The following CWF19L2 variants were observed in gnomAD, a reference collection of about 807,000 sequenced individuals.
CWF19L2 encodes the protein CWF19 like cell cycle control factor 2, also known as CWF19-like protein 2.
CWF19L2 carries 98 observed loss-of-function variants against 111.7 expected under a neutral mutation model. The observed-to-expected ratio is 0.88, with a 90% CI of 0.75 to 1.04. The LOEUF (loss-of-function observed/expected upper bound fraction) is 1.04, where lower values mean the gene tolerates loss of function less well. Ranked by LOEUF, CWF19L2 falls within the 50% of genes least tolerant of loss-of-function variation. CWF19L2 has a pLI of 0.00. For synonymous variants in CWF19L2, 351 were observed against 342.9 expected (o/e 1.02, Z -0.26); for missense variants, 1,101 against 1,051.4 (o/e 1.05, Z -0.65).
At chr11:107,450,593 C>A (rs1318067795) in intron 3 of CWF19L2, among the ~76,000 whole-genome samples, 2 of 151,184 alleles carry the variant, frequency 1.3e-5, no homozygotes, top group Admixed American at 6.6e-5. Context: ...AATTGATAGG[C>A]GAGATAAAAA....
chr11:107,439,045 A>AAAAC lies in CWF19L2; in HGVS notation c.664+44_664+45insGTTT. The AAAAC allele has an allele frequency of 7.7e-6, 7 of 905,352 alleles. No homozygotes were observed. In the East Asian group the frequency reaches 1.9e-4, roughly 24 times the overall value. 56.1% of individuals were successfully genotyped at this position (905,352 alleles called of 1,614,324 possible). ...GCGAGACTCTGTCTCGAAAAAAAAA[A>AAAAC]AAAAAAAAAAACCCTGTGTGTCTAT... On this transcript the variant is annotated intron_variant, in intron 6 of 17. Transcript: ENST00000282251.
chr11:107,442,767 GAA>G, intron 4 of CWF19L2, among the ~76,000 whole-genome samples, 170 bp downstream of exon 4: 2 of 42,774 alleles, frequency 4.7e-5, no homozygotes, highest in Non-Finnish European at 9.1e-5. Context: ...AGGAAGGAAG[GAA>G]GGAAGGAAGG....
At chr11:107,389,283 G>C (rs1235757837) in intron 12 of CWF19L2, among the ~76,000 whole-genome samples, 1 of 152,146 alleles carries the variant, frequency 6.6e-6, no homozygotes, top group East Asian at 1.9e-4. Flanking sequence ...GAAAATATTT[G>C]CAGCTTTATG....
At chr11:107,430,131 C>A (rs1410125107) in intron 7 of CWF19L2, among the ~76,000 whole-genome samples, 1 of 150,906 alleles carries the variant, frequency 6.6e-6, no homozygotes, top group African/African-American at 2.4e-5. Context: ...CTCAGAAGGA[C>A]TCATCCAATA....
chr11:107,453,517 C>G (rs762539697), intron 3 of CWF19L2, among the ~76,000 whole-genome samples: 23 of 151,862 alleles, frequency 1.5e-4, no homozygotes, highest in Non-Finnish European at 3.1e-4. Context: ...CCCTTAGGCC[C>G]TGAATAACCA....
intron 11 of CWF19L2, among the ~76,000 whole-genome samples, chr11:107,392,139 A>G (rs763765595): frequency 2.0e-5 from 3 of 152,188 alleles, no homozygotes; most frequent in Non-Finnish European, 4.4e-5. Flanking sequence ...CTCTAGCAAC[A>G]TAGGCACTCA....
chr11:107,394,545 A>G (rs1860894794), intron 10 of CWF19L2, among the ~76,000 whole-genome samples: 1 of 151,664 alleles, frequency 6.6e-6, no homozygotes, highest in Non-Finnish European at 1.5e-5. Flanking sequence ...TAAACACTCT[A>G]CTCTCTCCTG....
intron 12 of CWF19L2, among the ~76,000 whole-genome samples, chr11:107,380,280 T>A (rs960252389): frequency 6.6e-6 from 1 of 152,160 alleles, no homozygotes; most frequent in Non-Finnish European, 1.5e-5. Context: ...AATCAAAATT[T>A]TAATCAAAAC....
At chr11:107,412,760 A>C (rs773678430) in intron 10 of CWF19L2, among the ~76,000 whole-genome samples, 1 of 152,252 alleles carries the variant, frequency 6.6e-6, no homozygotes, top group Admixed American at 6.5e-5. Context: ...AGGTGAATGA[A>C]TAAGTAAAAT....
chr11:107,395,178 T>G (rs143584958), intron 10 of CWF19L2, among the ~76,000 whole-genome samples: 2 of 152,194 alleles, frequency 1.3e-5, no homozygotes, highest in African/African-American at 4.8e-5. Context: ...GTTCTCGTGA[T>G]AGTGAATGGA....
intron 12 of CWF19L2, among the ~76,000 whole-genome samples, chr11:107,357,921 A>G (rs1414737940): frequency 6.6e-6 from 1 of 152,222 alleles, no homozygotes; most frequent in East Asian, 1.9e-4. Context: ...GAAAGGAGAT[A>G]AAGAAAAGAG....
At chr11:107,443,076 A>G (rs1207432751) in intron 3 of CWF19L2, 27 bp from the exon 4 acceptor site, 1 of 1,424,116 alleles carries the variant, frequency 7.0e-7, no homozygotes, top group Admixed American at 2.0e-5. Context: ...TATAAGTGAA[A>G]TTGTCAAATT....
At chr11:107,340,836 C>T (rs927941755) in intron 14 of CWF19L2, among the ~76,000 whole-genome samples, 2 of 152,160 alleles carry the variant, frequency 1.3e-5, no homozygotes, top group African/African-American at 4.8e-5. Context: ...CTACATTTAT[C>T]TTATTTTTGA....
At chr11:107,383,505 T>G (rs1860722777) in intron 12 of CWF19L2, among the ~76,000 whole-genome samples, 1 of 152,168 alleles carries the variant, frequency 6.6e-6, no homozygotes, top group African/African-American at 2.4e-5. Context: ...TATTCCCCTC[T>G]TTTCATTAAT....
chr11:107,411,743 AT>A (rs1159918040), intron 10 of CWF19L2, among the ~76,000 whole-genome samples: 2 of 152,210 alleles, frequency 1.3e-5, no homozygotes, highest in Non-Finnish European at 2.9e-5. Flanking sequence ...CCCTTCGGAT[AT>A]TTTAAAAACC....
At chr11:107,362,249 G>A (rs1409434511) in intron 12 of CWF19L2, among the ~76,000 whole-genome samples, 2 of 152,110 alleles carry the variant, frequency 1.3e-5, no homozygotes, top group Non-Finnish European at 2.9e-5. Context: ...CAGGGGGAAG[G>A]GGCGCCCGCC....
Position 107,392,888 on chromosome 11 carries a change from T to A in CWF19L2, c.1625A>T (p.Asp542Val). 6.4e-7 allele frequency: 1 copy of A among 1,554,044 alleles called. No homozygotes were observed. ...TCTGACAAGGATTACTTCTTGCTGGTCTTCATTCTATAAAAAGATTTAGAG... is the reference window on the plus strand; with the variant it reads ...TCTGACAAGGATTACTTCTTGCTGGACTTCATTCTATAAAAAGATTTAGAG... Reference protein sequence around the residue: ...IPKKSGVENEDQQEVILVRTD... With the variant: ...IPKKSGVENEVQQEVILVRTD... Residue 542 changes from aspartate to valine, a missense_variant, in exon 11 of 18, where the codon GAC becomes GTC. Asp to Val is a radical substitution (Grantham distance 152). Transcript: ENST00000282251.
rs1406459269 is a variant in CWF19L2, at chr11:107,402,675, T to C, written c.1618-9780A>G. Among the ~76,000 whole-genome samples, 8 of 151,768 alleles carry C rather than the reference T, an allele frequency of 5.3e-5. No homozygotes were observed. In the East Asian group the frequency reaches 9.7e-4, roughly 18 times the overall value. On this transcript the variant is annotated intron_variant, in intron 10 of 17. Coordinates refer to ENST00000282251, the MANE Select transcript of CWF19L2 (RefSeq NM_152434.3). ...GCCACTATGGAAAACAGTGTGGAGA[T>C]TCCTTAAAGAACTAAAAGTAGAACT...
intron 10 of CWF19L2, among the ~76,000 whole-genome samples, chr11:107,402,869 G>GTATATATATA (rs1491324734): frequency 2.7e-4 from 6 of 22,020 alleles, no homozygotes; most frequent in Middle Eastern, 0.029. Context: ...ACAAACTGTG[G>GTATATATATA]TGTGTATATA....
Sources: gnomAD v4.1 joint callset for allele counts (sites outside exome capture counted in the v4.1 genomes callset) on GRCh38, gnomAD v4.1.1 for gene constraint, MANE v1.5 for transcripts, NCBI Gene and HGNC (gene_info 2026-07-23, HGNC 2026-07-21) for gene names.